SPTBN4: variants seen among roughly 807,000 people sequenced by gnomAD.
SPTBN4 encodes spectrin beta chain, non-erythrocytic 4.
SPTBN4 carries 96 observed loss-of-function variants against 277.8 expected under a neutral mutation model. The observed-to-expected ratio is 0.35, with a 90% CI of 0.29 to 0.41. The LOEUF is 0.41. Among genes scored for constraint, SPTBN4 ranks in the 10% least tolerant of loss-of-function variants. The pLI is 1.00. For synonymous variants in SPTBN4, 1,481 were observed against 1,580.3 expected (o/e 0.94, Z 1.49); for missense variants, 3,006 against 3,595.7 (o/e 0.84, Z 4.19).
At chr19:40,518,717 C>T (rs1412039820) in intron 15 of SPTBN4, among the ~76,000 whole-genome samples, 1 of 152,114 alleles carries the variant, frequency 6.6e-6, no homozygotes, top group East Asian at 1.9e-4. Context: ...AACCACTGCA[C>T]CCGGCTGAGA....
rs200743904 is a variant in SPTBN4, at chr19:40,502,297, C to T, written c.1067C>T (p.Thr356Met). The change falls in exon 9 of 36, where the codon ACG (threonine) becomes ATG (methionine). Residue 356 changes from threonine to methionine, a missense_variant. Physicochemically the swap from Thr to Met is moderately conservative, Grantham distance 81 (BLOSUM62 -1). Coordinates refer to ENST00000598249, the MANE Select transcript of SPTBN4 (RefSeq NM_020971.3). The surrounding 1 kb of genome is among the most constrained non-coding windows in gnomAD (Gnocchi z 4.9). The part of the protein sequence containing the change: ...QQLQAFTAYC[T>M]LEKPVKFQEK... The stretch of plus-strand genomic sequence containing the variant: ...CTCCAGGCTTTCACGGCCTATTGCA[C>T]GCTGGAGAAGCCTGTCAAGTGAGGC... 7.4e-6 allele frequency: 12 copies of T among 1,612,890 alleles called. No individual in the cohort carries two copies. The highest frequency in any genetic ancestry group is 6.7e-5 in the East Asian group (3 of 44,850).
intron 6 of SPTBN4, 23 bp from the exon 7 acceptor site, chr19:40,497,466 G>C (rs574551232): frequency 1.9e-6 from 3 of 1,586,856 alleles, no homozygotes; most frequent in Non-Finnish European, 2.6e-6. Context: ...CCTGCTGCCT[G>C]CCTGCTCTGT....
chr19:40,492,789 T>C (rs1415740591), intron 4 of SPTBN4, among the ~76,000 whole-genome samples, 174 bp from the exon 5 acceptor site: 1 of 152,116 alleles, frequency 6.6e-6, no homozygotes, highest in Non-Finnish European at 1.5e-5. Context: ...TAATTGTGGA[T>C]GTCCTGGCCC....
intron 24 of SPTBN4, among the ~76,000 whole-genome samples, chr19:40,555,507 A>T (rs2080968224): frequency 6.8e-6 from 1 of 147,624 alleles, no homozygotes; most frequent in African/African-American, 2.5e-5. Context: ...AAAAAAAAAA[A>T]AGAAAAGAAA....
At chr19:40,530,008 C>A (rs1431701718) in intron 18 of SPTBN4, among the ~76,000 whole-genome samples, 2 of 152,134 alleles carry the variant, frequency 1.3e-5, no homozygotes, top group East Asian at 3.9e-4. Context: ...CCATACCGTG[C>A]CCCCCTCCCC....
chr19:40,510,789 A>C (rs2080382049), intron 13 of SPTBN4, among the ~76,000 whole-genome samples: 1 of 152,140 alleles, frequency 6.6e-6, no homozygotes, highest in African/African-American at 2.4e-5. Flanking sequence ...TGGGAGGCCA[A>C]GGTGGGTGAA....
chr19:40,493,135 A>C, intron 5 of SPTBN4, 81 bp downstream of exon 5: 65 of 1,356,184 alleles, frequency 4.8e-5, no homozygotes, highest in Non-Finnish European at 6.2e-5. Flanking sequence ...ACAAGAGCTC[A>C]AGGGGCAGCC....
chr19:40,560,827 C>A lies in SPTBN4; in HGVS notation c.5915+424C>A. On this transcript the variant is annotated intron_variant, in intron 27 of 35. Coordinates refer to ENST00000598249, the MANE Select transcript of SPTBN4 (RefSeq NM_020971.3). This position sits in a 1 kb window ranked among gnomAD's most constrained non-coding sequence, Gnocchi z 5.2. ...GTTGGATGTGAGTGTCCAGCAGAATCCTGTCCCCTGGTGATTGGGAGCCAG... is the reference window on the plus strand; with the variant it reads ...GTTGGATGTGAGTGTCCAGCAGAATACTGTCCCCTGGTGATTGGGAGCCAG... 1 of 904,786 alleles carries A rather than the reference C, an allele frequency of 1.1e-6. No homozygotes were observed. Among genetic ancestry groups the A allele is most frequent in the Non-Finnish European group, 1.4e-6 (1 of 725,006 alleles). 56.0% of individuals were successfully genotyped at this position (904,786 alleles called of 1,614,324 possible).
intron 20 of SPTBN4, among the ~76,000 whole-genome samples, chr19:40,536,517 GA>G (rs1568821305): frequency 6.6e-5 from 10 of 152,252 alleles, no homozygotes; most frequent in South Asian, 2.1e-4. Context: ...CCCGGCCAAT[GA>G]GGTCACTACT....
At chr19:40,513,765 T>C (rs2080422929) in intron 14 of SPTBN4, among the ~76,000 whole-genome samples, 1 of 152,166 alleles carries the variant, frequency 6.6e-6, no homozygotes, top group Admixed American at 6.5e-5. Flanking sequence ...TATTAGTCCC[T>C]ACCCAGGCTT....
chr19:40,474,518 C>G (rs1025684163), intron 2 of SPTBN4, among the ~76,000 whole-genome samples: 1 of 151,518 alleles, frequency 6.6e-6, no homozygotes, highest in Non-Finnish European at 1.5e-5. Context: ...CAGCCTTGAA[C>G]TCCTGGACTC....
intron 31 of SPTBN4, among the ~76,000 whole-genome samples, 186 bp downstream of exon 31, chr19:40,568,468 C>G (rs1036908414): frequency 2.0e-5 from 3 of 152,202 alleles, no homozygotes; most frequent in African/African-American, 7.2e-5. Context: ...CATTGTTACA[C>G]AGAAAGGGGA....
Position 40,519,853 on chromosome 19 carries a change from C to G in SPTBN4, c.3356C>G (p.Pro1119Arg), listed in dbSNP as rs776016225. The change falls in exon 16 of 36, where the codon CCC (proline) becomes CGC (arginine). Residue 1119 changes from proline to arginine, a missense_variant. Transcript: ENST00000598249. The surrounding 1 kb of genome is among the most constrained non-coding windows in gnomAD (Gnocchi z 5.7). ...GCGGGCGGCAGCGAGGGGCCCCTGC[C>G]CAACAGCCTAGAAGAGGCGGACGCG... The part of the protein sequence containing the change: ...EAAGGSEGPL[P>R]NSLEEADALL... 3.4e-6 allele frequency: 5 copies of G among 1,459,406 alleles called. No homozygotes were observed. The East Asian group carries it at 1.1e-4, about 32-fold the overall frequency. 90.4% of individuals were successfully genotyped at this position (1,459,406 alleles called of 1,614,324 possible). A position where few individuals can be genotyped will look rare whatever the true frequency, so the allele number is the denominator to read the frequency against.
intron 18 of SPTBN4, chr19:40,530,514 C>A: frequency 2.0e-6 from 2 of 980,126 alleles, no homozygotes; most frequent in South Asian, 4.7e-5. Flanking sequence ...CCGCCGCTGC[C>A]GCTGCCGTCG....
chr19:40,554,041 C>A lies in SPTBN4; in HGVS notation c.4675-106C>A. 8.5e-7 allele frequency: 1 copy of A among 1,182,294 alleles called. No homozygotes were observed. Among genetic ancestry groups the A allele is most frequent in the Non-Finnish European group, 1.1e-6 (1 of 898,720 alleles). The allele number at this position is 1,182,294 out of a possible 1,614,324, so 73.2% of individuals were successfully genotyped here. A position where few individuals can be genotyped will look rare whatever the true frequency, so the allele number is the denominator to read the frequency against. On this transcript the variant is annotated intron_variant, in intron 22 of 35. Coordinates refer to ENST00000598249, the MANE Select transcript of SPTBN4 (RefSeq NM_020971.3). This position sits in a 1 kb window ranked among gnomAD's most constrained non-coding sequence, Gnocchi z 5.7. ...GCACGTGGTTAGCGAGCTGGGGGTG[C>A]TTGTTAATTGCCCCGTGGGCCGTGC...
chr19:40,541,119 C>T (rs929873083), intron 20 of SPTBN4, among the ~76,000 whole-genome samples: 1 of 152,156 alleles, frequency 6.6e-6, no homozygotes, highest in Non-Finnish European at 1.5e-5. Flanking sequence ...CGAGCTTGAC[C>T]ATCTTTGACC....
Position 40,512,673 on chromosome 19 carries a change from G to A in SPTBN4, c.1884G>A (p.Glu628=). ...ACCACGTGCACGGCTGCCTGGCGGA[G>A]CTGCAGGAGCAGGCAGCGCGGCGAC... The part of the protein sequence containing the change: ...RVNHVHGCLA[E]LQEQAARRRA... Residue 628 remains glutamate (E), a synonymous_variant, in exon 14 of 36, where the codon GAG becomes GAA. Transcript: ENST00000598249. The A allele has an allele frequency of 6.5e-7, 1 of 1,533,874 alleles. No individual in the cohort carries two copies.
chr19:40,569,416 G>T (rs2081127694), intron 31 of SPTBN4, among the ~76,000 whole-genome samples: 1 of 129,732 alleles, frequency 7.7e-6, no homozygotes, highest in Non-Finnish European at 1.6e-5. Context: ...AACAGAGAAA[G>T]ACTCCGTCTC....
chr19:40,568,403 C>A (rs1390649837), intron 31 of SPTBN4, 121 bp downstream of exon 31: 6 of 1,350,992 alleles, frequency 4.4e-6, no homozygotes, highest in Non-Finnish European at 5.9e-6. Flanking sequence ...GAGATATCGC[C>A]GCGGTACCCA....
Sources: allele counts gnomAD v4.1 joint callset (sites outside exome capture counted in the v4.1 genomes callset), GRCh38; gene constraint gnomAD v4.1.1; non-coding constraint Gnocchi (gnomAD v3.1); transcripts MANE v1.5; gene names NCBI Gene and HGNC (gene_info 2026-07-23, HGNC 2026-07-21).